Variants in ENPP6 observed in about 807,000 individuals in gnomAD.
The protein encoded by ENPP6 is ectonucleotide pyrophosphatase/phosphodiesterase 6.
Under a neutral mutation model 42.0 loss-of-function variants are expected in ENPP6, and 32 were observed. The observed-to-expected ratio is 0.76, with a 90% CI of 0.58 to 1.02. ENPP6 has a LOEUF of 1.02. ENPP6 is among the 50% of genes least tolerant of loss of function. The probability of loss-of-function intolerance (pLI) is 0.00; values close to 1 mark genes in which losing one functional copy is unlikely to be tolerated. For missense variants in ENPP6, 552 were observed against 566.8 expected (o/e 0.97, Z 0.27); for synonymous variants, 213 against 216.0 (o/e 0.99, Z 0.12).
chr4:184,123,850 T>G (rs2111351766), intron 3 of ENPP6, among the ~76,000 whole-genome samples: 1 of 152,316 alleles, frequency 6.6e-6, no homozygotes, highest in African/African-American at 2.4e-5. Flanking sequence ...GAGACACAAT[T>G]GTTCACTGAC....
intron 1 of ENPP6, among the ~76,000 whole-genome samples, chr4:184,166,745 T>C (rs562031201): frequency 1.3e-5 from 2 of 152,352 alleles, no homozygotes; most frequent in East Asian, 1.9e-4. Flanking sequence ...AGCTTCTTAC[T>C]TGGGGCATGT....
At chr4:184,199,185 G>A (rs1441225126) in intron 1 of ENPP6, among the ~76,000 whole-genome samples, 2 of 152,258 alleles carry the variant, frequency 1.3e-5, no homozygotes, top group Non-Finnish European at 2.9e-5. Context: ...TGCTGGAGCC[G>A]AGGCGTCTTC....
intron 5 of ENPP6, among the ~76,000 whole-genome samples, chr4:184,113,947 C>A (rs1736267595): frequency 7.4e-6 from 1 of 134,554 alleles, no homozygotes; most frequent in Admixed American, 7.7e-5. Context: ...TTCTTTCTTT[C>A]TTTCTTTCTT....
intron 1 of ENPP6, among the ~76,000 whole-genome samples, chr4:184,186,526 G>A (rs1427008574): frequency 6.6e-6 from 1 of 152,148 alleles, no homozygotes; most frequent in Non-Finnish European, 1.5e-5. Context: ...ATATAAAGGG[G>A]CCAGCAAAGA....
At chr4:184,181,146 A>C (rs2111100444) in intron 1 of ENPP6, among the ~76,000 whole-genome samples, 1 of 152,374 alleles carries the variant, frequency 6.6e-6, no homozygotes, top group South Asian at 2.1e-4. Context: ...GAAGCTGTTA[A>C]GCAACTTCAG....
intron 1 of ENPP6, among the ~76,000 whole-genome samples, chr4:184,200,404 G>A (rs562157113): frequency 1.7e-4 from 26 of 152,172 alleles, no homozygotes; most frequent in Non-Finnish European, 3.2e-4. Flanking sequence ...GTGCGTGGAG[G>A]CCTCTCAACA....
chr4:184,117,145 G>T, intron 4 of ENPP6, 110 bp from the exon 5 acceptor site: 1 of 1,319,322 alleles, frequency 7.6e-7, no homozygotes, highest in Non-Finnish European at 1.0e-6. Flanking sequence ...TCAGTTCTGT[G>T]TTTAATCTTC....
chr4:184,164,882 C>G (rs34725488), intron 1 of ENPP6, among the ~76,000 whole-genome samples: 1 of 151,946 alleles, frequency 6.6e-6, no homozygotes, highest in African/African-American at 2.4e-5. Flanking sequence ...GCCTGGATCC[C>G]GAGGCTCAGC....
rs555164792 is a variant in ENPP6, at chr4:184,114,683, C to T, written c.856-1874G>A. Among the ~76,000 whole-genome samples, 8 of 152,158 alleles carry T rather than the reference C, an allele frequency of 5.3e-5. No individual in the cohort carries two copies. In the South Asian group the frequency reaches 6.2e-4, roughly 12 times the overall value. Reference sequence around the variant, plus strand: ...GAACAGTACCTTGGAAGGCGCTCTCCCTAGCTCAAAAGCTGTTGATGCCCA... The same window carrying T: ...GAACAGTACCTTGGAAGGCGCTCTCTCTAGCTCAAAAGCTGTTGATGCCCA... On this transcript the variant is annotated intron_variant, in intron 5 of 7. Coordinates refer to ENST00000296741, the MANE Select transcript of ENPP6 (RefSeq NM_153343.4).
intron 1 of ENPP6, among the ~76,000 whole-genome samples, chr4:184,200,182 A>T (rs1402794824): frequency 6.6e-6 from 1 of 152,104 alleles, no homozygotes; most frequent in African/African-American, 2.4e-5. Context: ...CGTTCAAGAC[A>T]CCCTTAGAGC....
chr4:184,205,704 G>C (rs1169422747), intron 1 of ENPP6, among the ~76,000 whole-genome samples: 1 of 148,412 alleles, frequency 6.7e-6, no homozygotes, highest in East Asian at 1.9e-4. Flanking sequence ...GCAGCGAGAG[G>C]GAGCTGGAGT....
chr4:184,117,612 T>C, intron 4 of ENPP6, 147 bp downstream of exon 4: 1 of 1,164,020 alleles, frequency 8.6e-7, no homozygotes, highest in Non-Finnish European at 1.2e-6. Flanking sequence ...GGAGGCATTG[T>C]GTGAAGCCAA....
At chr4:184,164,960 C>T (rs1447768694) in intron 1 of ENPP6, among the ~76,000 whole-genome samples, 1 of 152,200 alleles carries the variant, frequency 6.6e-6, no homozygotes, top group Non-Finnish European at 1.5e-5. Context: ...CGATTCCCAG[C>T]ACTCAGGAAG....
chr4:184,110,929 C>T (rs868224090), intron 6 of ENPP6, among the ~76,000 whole-genome samples: 7 of 152,160 alleles, frequency 4.6e-5, no homozygotes, highest in South Asian at 2.1e-4. Flanking sequence ...TCATGCCGGA[C>T]GTGTGGCTGC....
chr4:184,131,268 C>CT (rs1736625359), intron 2 of ENPP6, among the ~76,000 whole-genome samples: 1 of 69,260 alleles, frequency 1.4e-5, no homozygotes, highest in African/African-American at 6.7e-5. Context: ...CTCTTCCTTC[C>CT]TTCCTTCCTT....
chr4:184,110,406 C>T (rs1736179349), intron 6 of ENPP6, among the ~76,000 whole-genome samples: 1 of 152,156 alleles, frequency 6.6e-6, no homozygotes, highest in Non-Finnish European at 1.5e-5. Flanking sequence ...GCTTATGCAC[C>T]AAGGCTCCTC....
chr4:184,099,740 G>T (rs1019495619), intron 6 of ENPP6, among the ~76,000 whole-genome samples: 3 of 152,182 alleles, frequency 2.0e-5, no homozygotes, highest in Non-Finnish European at 2.9e-5. Flanking sequence ...GTTTTTCCAT[G>T]GGAAGGTTTC....
At chr4:184,091,619 C>A (rs565665311) in intron 7 of ENPP6, among the ~76,000 whole-genome samples, 33 of 152,076 alleles carry the variant, frequency 2.2e-4, no homozygotes, top group Non-Finnish European at 3.5e-4. Context: ...AAAAGACAAG[C>A]AGCAGAGCCA....
intron 6 of ENPP6, among the ~76,000 whole-genome samples, 161 bp from the exon 7 acceptor site, chr4:184,097,529 C>T (rs542450124): frequency 1.3e-5 from 2 of 152,164 alleles, no homozygotes; most frequent in African/African-American, 2.4e-5. Flanking sequence ...TGCTCCAGGC[C>T]GCTCAGACCT....
Sources: gnomAD v4.1 joint callset for allele counts (sites outside exome capture counted in the v4.1 genomes callset) on GRCh38, gnomAD v4.1.1 for gene constraint, MANE v1.5 for transcripts, NCBI Gene and HGNC (gene_info 2026-07-23, HGNC 2026-07-21) for gene names.